Variants in SLC27A5 observed in about 807,000 individuals in gnomAD.
The protein encoded by SLC27A5 is long-chain fatty acid transport protein 5.
Under a neutral mutation model 63.1 loss-of-function variants are expected in SLC27A5, and 47 were observed. That is an observed-to-expected ratio of 0.74 (90% CI 0.59 to 0.95). The LOEUF is 0.95. SLC27A5 is among the 40% of genes least tolerant of loss of function. The pLI is 0.00. For synonymous variants in SLC27A5, 391 were observed against 403.8 expected (o/e 0.97, Z 0.38); for missense variants, 940 against 921.0 (o/e 1.02, Z -0.27).
chr19:58,501,188 G>A, intron 4 of SLC27A5, 98 bp downstream of exon 4: 1 of 1,469,902 alleles, frequency 6.8e-7, no homozygotes, highest in African/African-American at 1.4e-5. Context: ...TGTATTATCT[G>A]AGGGACTTGA....
At chr19:58,500,157 G>A (rs1476045113) in intron 6 of SLC27A5, among the ~76,000 whole-genome samples, 182 bp downstream of exon 6, 1 of 152,012 alleles carries the variant, frequency 6.6e-6, no homozygotes, top group Non-Finnish European at 1.5e-5. Flanking sequence ...GGACAGAGCC[G>A]AGAAGCTGAG....
rs138389268 is a variant in SLC27A5, at chr19:58,507,296, C to T, written c.1057+2551G>A. ...CGCTCACAAGTGCTCACCACTGTTG[C>T]GGGAAGTCAGGGACCCCTAACAGAC... On this transcript the variant is annotated intron_variant, in intron 3 of 9. Transcript: ENST00000263093. The T allele has an allele frequency of 2.4e-3, 369 of 152,556 alleles. 1 individual carries two copies. Among genetic ancestry groups the T allele is most frequent in the Non-Finnish European group, 3.5e-3 (239 of 67,994 alleles). The allele number at this position is 152,556 out of a possible 1,614,324, so 9.5% of individuals were successfully genotyped here.
chr19:58,505,613 G>A (rs1600037913), intron 3 of SLC27A5, among the ~76,000 whole-genome samples: 1 of 151,576 alleles, frequency 6.6e-6, no homozygotes, highest in Non-Finnish European at 1.5e-5. Context: ...CGAGGCTGAG[G>A]TGGGCGGATC....
intron 3 of SLC27A5, among the ~76,000 whole-genome samples, chr19:58,505,366 T>A (rs2053333349): frequency 6.6e-6 from 1 of 151,790 alleles, no homozygotes; most frequent in African/African-American, 2.4e-5. Flanking sequence ...CCCAAAGTGC[T>A]GGGATTACAG....
Position 58,498,843 on chromosome 19 carries a change from T to TA in SLC27A5, c.1837dup (p.Tyr613LeufsTer39). Reference sequence around the variant, plus strand: ...AGGGAGCCAAGCGCGAACGTGCTGGTACAACTTCTCCCCGTCGAAAGTCTG... The same window carrying TA: ...AGGGAGCCAAGCGCGAACGTGCTGGTAACAACTTCTCCCCGTCGAAAGTCTG... On this transcript the variant is annotated frameshift_variant, in exon 9 of 10. Transcript: ENST00000263093. LOFTEE classifies it high-confidence loss of function. 1 of 1,613,996 alleles carries TA rather than the reference T, an allele frequency of 6.2e-7. No individual in the cohort carries two copies.
At chr19:58,507,399 T>C (rs2053359806) in intron 3 of SLC27A5, 1 of 152,164 alleles carries the variant, frequency 6.6e-6, no homozygotes, top group African/African-American at 2.4e-5. Flanking sequence ...AATAATACTC[T>C]TATAATTTCT....
chr19:58,504,716 T>C (rs1328087994), intron 3 of SLC27A5, among the ~76,000 whole-genome samples: 1 of 138,490 alleles, frequency 7.2e-6, no homozygotes, highest in Non-Finnish European at 1.6e-5. Context: ...CATGTGAAAT[T>C]AAACTGGCCC....
intron 8 of SLC27A5, 69 bp downstream of exon 8, chr19:58,499,054 T>G: frequency 6.2e-7 from 1 of 1,604,798 alleles, no homozygotes; most frequent in Non-Finnish European, 8.5e-7. Context: ...CTTCCCCACC[T>G]GTAAAATCAG....
rs773441349 is a variant in SLC27A5 at position 58,511,314 on chromosome 19, C to T, written c.642G>A (p.Ala214=). ...GGGCCCCAGAGCTCAGCACAGAGTG[C>T]GCCAGGGGCATCCCCCGGCCATGCG... ...INPHGRGMPL[A]HSVLSSGARV... is the part of the protein sequence containing the mutation. Residue 214 remains alanine, a synonymous_variant, in exon 1 of 10, where the codon GCG becomes GCA. Coordinates refer to ENST00000263093, the MANE Select transcript of SLC27A5 (RefSeq NM_012254.3). The T allele has an allele frequency of 1.7e-5, 27 of 1,587,034 alleles. No individual in the cohort carries two copies. Among genetic ancestry groups the T allele is most frequent in the Middle Eastern group, 3.4e-4 (2 of 5,804 alleles).
At chr19:58,507,313 C>A in intron 3 of SLC27A5, 1 of 152,660 alleles carries the variant, frequency 6.6e-6, no homozygotes, top group South Asian at 1.9e-4. Context: ...TCAGGGACCC[C>A]TAACAGACGG....
At chr19:58,503,477 C>T (rs894843810) in intron 3 of SLC27A5, among the ~76,000 whole-genome samples, 1 of 151,652 alleles carries the variant, frequency 6.6e-6, no homozygotes, top group African/African-American at 2.4e-5. Flanking sequence ...GCCTAGCCAA[C>T]ATGGTGAAAC....
chr19:58,501,850 T>A (rs1200305197), intron 3 of SLC27A5, among the ~76,000 whole-genome samples: 1 of 152,148 alleles, frequency 6.6e-6, no homozygotes, highest in East Asian at 1.9e-4. Flanking sequence ...ATTTTTGTAC[T>A]TTTTTAAGTA....
rs1324824380 is a variant in SLC27A5 at position 58,498,855 on chromosome 19, C to T, written c.1826G>A (p.Gly609Glu). The T allele has an allele frequency of 6.2e-7, 1 of 1,613,866 alleles. No homozygotes were observed. Among genetic ancestry groups the T allele is most frequent in the Non-Finnish European group, 8.5e-7 (1 of 1,180,036 alleles). ...VQLAPGQTFD[G>E]EKLYQHVRAW... ...GCGAACGTGCTGGTACAACTTCTCC[C>T]CGTCGAAAGTCTGGCCGGGGGCTAG... Residue 609 changes from glycine to glutamate, a missense_variant, in exon 9 of 10, where the codon GGG (glycine) becomes GAG (glutamate). Gly to Glu is a moderately conservative substitution (Grantham distance 98). Coordinates refer to ENST00000263093, the MANE Select transcript of SLC27A5 (RefSeq NM_012254.3).
At position 58,499,472 on chromosome 19, in the gene SLC27A5, C is replaced by T; in HGVS notation, c.1667+20G>A. On this transcript the variant is annotated intron_variant, in intron 7 of 9. Transcript: ENST00000263093. ...CCGTGGCCCCGCGCCAGCCCCGCCC[C>T]GAGAAACCCTGCCTCGGACCGGAAG... 1 of 1,611,852 alleles carries T rather than the reference C, an allele frequency of 6.2e-7. No homozygotes were observed. Among genetic ancestry groups the T allele is most frequent in the African/African-American group, 1.3e-5 (1 of 75,056 alleles).
chr19:58,499,364 G>A (rs1250452980), intron 7 of SLC27A5, 128 bp downstream of exon 7: 1 of 1,328,850 alleles, frequency 7.5e-7, no homozygotes, highest in African/African-American at 1.5e-5. Context: ...CTTCGCGTGA[G>A]AAGTCCTGAC....
chr19:58,500,237 A>T, intron 6 of SLC27A5, 102 bp downstream of exon 6: 1 of 953,968 alleles, frequency 1.0e-6, no homozygotes, highest in Non-Finnish European at 1.6e-6. Flanking sequence ...AGACCCCTCT[A>T]GTGAGCACCA....
In SLC27A5 at chr19:58,498,690, TCCTGCAGGGCAGTGAC is replaced by T; in HGVS notation, c.1897-15_1897del. ...GAACGTGCTGGTGACCTCCATGGCG[TCCTGCAGGGCAGTGAC>T]CATGGTCCAATCACTGTGACATCCA... On this transcript the variant is annotated splice_acceptor_variant and splice_polypyrimidine_tract_variant and coding_sequence_variant and intron_variant, in exon 10 of 10. Coordinates refer to ENST00000263093, the MANE Select transcript of SLC27A5 (RefSeq NM_012254.3). LOFTEE classifies it high-confidence loss of function. The T allele has an allele frequency of 6.2e-7, 1 of 1,613,724 alleles. No homozygotes were observed. Among genetic ancestry groups the T allele is most frequent in the South Asian group, 1.1e-5 (1 of 91,026 alleles).
intron 6 of SLC27A5, 43 bp downstream of exon 6, chr19:58,500,296 T>C (rs1237959888): frequency 6.5e-7 from 1 of 1,535,620 alleles, no homozygotes; most frequent in Admixed American, 1.7e-5. Context: ...AGACTGAGGG[T>C]CGCCACCCCT....
At chr19:58,503,034 T>C (rs1341762444) in intron 3 of SLC27A5, among the ~76,000 whole-genome samples, 1 of 151,832 alleles carries the variant, frequency 6.6e-6, no homozygotes, top group Non-Finnish European at 1.5e-5. Context: ...GTGAAACCCG[T>C]CTCTACTGAA....
Sources: gnomAD v4.1 joint callset for allele counts (sites outside exome capture counted in the v4.1 genomes callset) on GRCh38, gnomAD v4.1.1 for gene constraint, MANE v1.5 for transcripts, NCBI Gene and HGNC (gene_info 2026-07-23, HGNC 2026-07-21) for gene names.